Variants in PRKG1 observed in about 807,000 individuals in gnomAD.
PRKG1 encodes protein kinase cGMP-dependent 1.
PRKG1 carries 35 observed loss-of-function variants against 88.1 expected under a neutral mutation model. The ratio of observed to expected loss-of-function variants is 0.40; its 90% CI spans 0.30 to 0.53. The LOEUF (loss-of-function observed/expected upper bound fraction) is 0.53, where lower values mean the gene tolerates loss of function less well. Ranked by LOEUF, PRKG1 falls within the 20% of genes least tolerant of loss-of-function variation. The probability of loss-of-function intolerance (pLI) is 0.59; values close to 1 mark genes in which losing one functional copy is unlikely to be tolerated. For missense variants in PRKG1, 540 were observed against 839.8 expected, an observed-to-expected ratio of 0.64 and a Z score of 4.41; for synonymous variants, 303 against 292.5, an observed-to-expected ratio of 1.04 and a Z score of -0.37.
chr10:51,763,738 T>G (rs892164644), intron 3 of PRKG1, among the ~76,000 whole-genome samples: 1 of 152,062 alleles, frequency 6.6e-6, no homozygotes, highest in Non-Finnish European at 1.5e-5. Context: ...CTGGATAATT[T>G]AGAAAAAAAA....
intron 1 of PRKG1, among the ~76,000 whole-genome samples, chr10:51,118,053 A>G (rs1845170084): frequency 6.6e-6 from 1 of 152,186 alleles, no homozygotes; most frequent in South Asian, 2.1e-4. Flanking sequence ...ATGTTGGATG[A>G]GGGGAAGGGA....
intron 3 of PRKG1, among the ~76,000 whole-genome samples, chr10:51,651,072 C>T (rs1449637652): frequency 6.6e-6 from 1 of 152,146 alleles, no homozygotes; most frequent in East Asian, 1.9e-4. Flanking sequence ...AGGGATTCTG[C>T]TAAACATTCT....
In PRKG1 at chr10:51,298,168, G is replaced by A. The variant is rs942202106; in HGVS notation, c.478+144838G>A. ...TCCATTTTATAGATGATAAATTCAT[G>A]ATTAGGGATATTAATTATGATGTCC... On this transcript the variant is annotated intron_variant, in intron 2 of 17. Transcript: ENST00000373980. Among the ~76,000 whole-genome samples, 3 of 152,102 alleles carry A rather than the reference G, an allele frequency of 2.0e-5. 1 individual carries two copies. Among genetic ancestry groups the A allele is most frequent in the Admixed American group, 2.0e-4 (3 of 15,268 alleles).
At chr10:51,286,520 C>G (rs564316924) in intron 2 of PRKG1, among the ~76,000 whole-genome samples, 1 of 152,000 alleles carries the variant, frequency 6.6e-6, no homozygotes, top group South Asian at 2.1e-4. Flanking sequence ...CTCTTTATTG[C>G]TTTTCCTCTC....
At chr10:52,177,524 G>A (rs186315786) in intron 9 of PRKG1, among the ~76,000 whole-genome samples, 116 of 152,228 alleles carry the variant, frequency 7.6e-4, no homozygotes, top group African/African-American at 2.5e-3. Flanking sequence ...CATAGAATGA[G>A]TTAGGAAGAG....
intron 4 of PRKG1, among the ~76,000 whole-genome samples, chr10:51,831,039 G>T (rs529982277): frequency 6.6e-6 from 1 of 151,744 alleles, no homozygotes; most frequent in South Asian, 2.1e-4. Flanking sequence ...AGGTTTTTAT[G>T]AGACTAATGT....
intron 3 of PRKG1, among the ~76,000 whole-genome samples, chr10:51,552,987 A>G (rs1837180476): frequency 6.6e-6 from 1 of 151,648 alleles, no homozygotes; most frequent in South Asian, 2.1e-4. Flanking sequence ...TATGGATCCA[A>G]AATAACATAA....
chr10:52,015,867 T>A (rs1238794036), intron 5 of PRKG1, among the ~76,000 whole-genome samples: 1 of 152,192 alleles, frequency 6.6e-6, no homozygotes, highest in African/African-American at 2.4e-5. Flanking sequence ...ATGCTGCCAG[T>A]GTCTTTGCTA....
At chr10:51,678,973 G>A (rs1393973245) in intron 3 of PRKG1, among the ~76,000 whole-genome samples, 1 of 152,024 alleles carries the variant, frequency 6.6e-6, no homozygotes, top group Admixed American at 6.6e-5. Flanking sequence ...ATGATTTTTA[G>A]GATTCATTCA....
At chr10:51,648,659 A>C (rs953343188) in intron 3 of PRKG1, among the ~76,000 whole-genome samples, 1 of 152,062 alleles carries the variant, frequency 6.6e-6, no homozygotes, top group Non-Finnish European at 1.5e-5. Flanking sequence ...TTTTCTTTGA[A>C]CATTTTTTTT....
At chr10:51,858,842 T>C (rs1840789386) in intron 4 of PRKG1, among the ~76,000 whole-genome samples, 1 of 152,100 alleles carries the variant, frequency 6.6e-6, no homozygotes, top group African/African-American at 2.4e-5. Context: ...TAAACACTTT[T>C]TCCCTGAATC....
intron 3 of PRKG1, among the ~76,000 whole-genome samples, chr10:51,593,721 A>C (rs1305272664): frequency 3.3e-5 from 5 of 150,054 alleles, no homozygotes; most frequent in Non-Finnish European, 7.4e-5. Context: ...CACCAAAAGG[A>C]AGGCAGTTCC....
intron 9 of PRKG1, among the ~76,000 whole-genome samples, chr10:52,216,603 G>C (rs187692393): frequency 6.6e-6 from 1 of 152,258 alleles, no homozygotes; most frequent in East Asian, 1.9e-4. Flanking sequence ...AATACAGCCA[G>C]GTCTGCAGAG....
chr10:51,937,661 A>G (rs946575713), intron 5 of PRKG1, among the ~76,000 whole-genome samples: 2 of 151,906 alleles, frequency 1.3e-5, no homozygotes, highest in African/African-American at 2.4e-5. Context: ...TTTCCTTTTT[A>G]TGTTAACTAA....
intron 1 of PRKG1, among the ~76,000 whole-genome samples, chr10:51,126,008 T>G (rs1180522604): frequency 8.0e-6 from 1 of 125,244 alleles, no homozygotes; most frequent in Admixed American, 8.5e-5. Flanking sequence ...ATATAATTTA[T>G]ATATAATTTA....
intron 3 of PRKG1, among the ~76,000 whole-genome samples, chr10:51,735,853 G>GCATA (rs1554836784): frequency 1.6e-5 from 1 of 61,648 alleles, no homozygotes; most frequent in East Asian, 4.7e-4. Context: ...GGGCCTGACT[G>GCATA]CATATATATA....
intron 2 of PRKG1, among the ~76,000 whole-genome samples, chr10:51,274,626 G>A (rs60806033): frequency 0.2 from 30,675 of 152,094 alleles, 4,045 homozygotes; most frequent in African/African-American, 0.38. Flanking sequence ...GTTATTGATC[G>A]ATCCTGTTAG....
intron 5 of PRKG1, among the ~76,000 whole-genome samples, chr10:51,976,513 CTA>C: frequency 1.4e-5 from 1 of 71,896 alleles, no homozygotes; most frequent in Non-Finnish European, 3.6e-5. Flanking sequence ...AGGCCACATA[CTA>C]CATGATTCTA....
At chr10:52,263,351 A>G (rs551393052) in intron 10 of PRKG1, among the ~76,000 whole-genome samples, 1 of 152,242 alleles carries the variant, frequency 6.6e-6, no homozygotes, top group East Asian at 1.9e-4. Context: ...ATACAGAACT[A>G]GAAGTTGTAG....
Sources: gnomAD v4.1 joint callset for allele counts (sites outside exome capture counted in the v4.1 genomes callset) on GRCh38, gnomAD v4.1.1 for gene constraint, MANE v1.5 for transcripts, NCBI Gene and HGNC (gene_info 2026-07-23, HGNC 2026-07-21) for gene names.